The following SCN4B variants were observed in gnomAD, a reference collection of about 807,000 sequenced individuals.
SCN4B encodes the protein sodium voltage-gated channel beta subunit 4.
SCN4B carries 20 observed loss-of-function variants against 19.6 expected under a neutral mutation model. That is an observed-to-expected ratio of 1.02 (90% CI 0.72 to 1.48). The LOEUF is 1.48. Among genes scored for constraint, SCN4B ranks in the 40% most tolerant of loss-of-function variants. The pLI, the probability that SCN4B is intolerant of heterozygous loss-of-function variation, is 0.00. For synonymous variants in SCN4B, 127 were observed against 122.8 expected, an observed-to-expected ratio of 1.03 and a Z score of -0.22; for missense variants, 271 against 287.5, an observed-to-expected ratio of 0.94 and a Z score of 0.42.
At position 118,136,037 on chromosome 11, in the gene SCN4B, T is replaced by TA. The variant is rs1947993174; in HGVS notation, c.*989_*990insT. ...GGGCAGGGCGTGATGGAGGGCACGG[T>TA]GGGGGGGGGGGAGCGAGCCAATGGG... On this transcript the variant is annotated 3_prime_UTR_variant, in exon 5 of 5. Transcript: ENST00000324727. 7 of 363,566 alleles carry TA rather than the reference T, an allele frequency of 1.9e-5. No homozygotes were observed. The highest frequency in any genetic ancestry group is 1.3e-4 in the South Asian group (7 of 54,400). The allele number at this position is 363,566 out of a possible 1,614,324, so 22.5% of individuals were successfully genotyped here. A position where few individuals can be genotyped will look rare whatever the true frequency, so the allele number is the denominator to read the frequency against.
intron 3 of SCN4B, 163 bp from the exon 4 acceptor site, chr11:118,141,499 G>A: frequency 1.3e-6 from 1 of 765,666 alleles, no homozygotes; most frequent in Non-Finnish European, 2.2e-6. Flanking sequence ...GCAGCAGGAA[G>A]CTGGAGAGGC....
At chr11:118,138,855 C>A (rs927461510) in intron 4 of SCN4B, among the ~76,000 whole-genome samples, 1 of 152,146 alleles carries the variant, frequency 6.6e-6, no homozygotes, top group East Asian at 1.9e-4. Context: ...GGAAACAGCA[C>A]CCACGTTTCA....
chr11:118,139,421 T>A (rs1324316477), intron 4 of SCN4B, among the ~76,000 whole-genome samples: 1 of 152,240 alleles, frequency 6.6e-6, no homozygotes, highest in Non-Finnish European at 1.5e-5. Context: ...ATCAAACCTC[T>A]TTGCTGGCAC....
At chr11:118,146,411 C>T (rs1018079434) in intron 1 of SCN4B, among the ~76,000 whole-genome samples, 18 of 152,154 alleles carry the variant, frequency 1.2e-4, no homozygotes, top group Admixed American at 5.2e-4. Context: ...GAAGTGGATG[C>T]CTGCCTCACC....
Position 118,136,556 on chromosome 11 carries a change from T to A in SCN4B, c.*471A>T, listed in dbSNP as rs539487703. On this transcript the variant is annotated 3_prime_UTR_variant, in exon 5 of 5. Coordinates refer to ENST00000324727, the MANE Select transcript of SCN4B (RefSeq NM_174934.4). ...TGCCCCCATCAGCCCCCACCCCAGG[T>A]CTTCTCCAGAGGCCTCCAGCCCACT... is the stretch of plus-strand genomic sequence containing the variant. The A allele has an allele frequency of 6.3e-4, 284 of 454,004 alleles. 3 individuals are homozygous for A. Among genetic ancestry groups the A allele is most frequent in the South Asian group, 4.0e-3 (259 of 64,446 alleles). The allele number at this position is 454,004 out of a possible 1,614,324, so 28.1% of individuals were successfully genotyped here. A position where few individuals can be genotyped will look rare whatever the true frequency, so the allele number is the denominator to read the frequency against.
Position 118,134,237 on chromosome 11 carries a change from T to C in SCN4B, c.*2790A>G, listed in dbSNP as rs961809817. On this transcript the variant is annotated 3_prime_UTR_variant, in exon 5 of 5. Transcript: ENST00000324727. ...GGAATGCTGATTTCATATTTTGTAG[T>C]TGATGAGGAGCTCAGAACTTTGTCT... is the stretch of plus-strand genomic sequence containing the variant. The C allele has an allele frequency of 4.4e-6, 2 of 454,172 alleles. No individual in the cohort carries two copies. Among genetic ancestry groups the C allele is most frequent in the Admixed American group, 4.7e-5 (2 of 42,584 alleles). The allele number at this position is 454,172 out of a possible 1,614,324, so 28.1% of individuals were successfully genotyped here. A position where few individuals can be genotyped will look rare whatever the true frequency, so the allele number is the denominator to read the frequency against.
chr11:118,143,685 C>T (rs1948129287), intron 3 of SCN4B, 148 bp downstream of exon 3: 3 of 669,914 alleles, frequency 4.5e-6, no homozygotes, highest in Non-Finnish European at 8.2e-6. Flanking sequence ...GCTCTTCTAG[C>T]TTTTAGATGT....
In SCN4B at chr11:118,143,899, C is replaced by T. The variant is rs772935082; in HGVS notation, c.397G>A (p.Val133Met). 3.1e-6 allele frequency: 5 copies of T among 1,613,794 alleles called. No individual in the cohort carries two copies. The highest frequency in any genetic ancestry group is 1.7e-5 in the Admixed American group (1 of 60,008). The change falls in exon 3 of 5, where the codon GTG (valine) becomes ATG (methionine). Residue 133 changes from valine (V) to methionine (M), a missense_variant. By Grantham distance (21) the Val-to-Met change is conservative (BLOSUM62 1). Transcript: ENST00000324727. ...FSDTGKYTCH[V>M]KNPKENNLQH... ...AGATTATTCTCCTTGGGGTTCTTCA[C>T]ATGGCAGGTGTATTTGCCCGTGTCG...
At chr11:118,147,238 C>G (rs1490691941) in intron 1 of SCN4B, among the ~76,000 whole-genome samples, 2 of 152,210 alleles carry the variant, frequency 1.3e-5, no homozygotes, top group African/African-American at 2.4e-5. Context: ...TATGATGAAA[C>G]TGAGGCTCAG....
chr11:118,152,526 C>A, intron 1 of SCN4B, 87 bp downstream of exon 1: 2 of 1,175,322 alleles, frequency 1.7e-6, no homozygotes, highest in Non-Finnish European at 2.5e-6. Flanking sequence ...CAAAGCCCAC[C>A]CCATCCAAGG....
rs576619147 is a variant in SCN4B at position 118,148,461 on chromosome 11, G to A, written c.62-3232C>T. Among the ~76,000 whole-genome samples, 3 of 152,336 alleles carry A rather than the reference G, an allele frequency of 2.0e-5. No individual in the cohort carries two copies. The highest frequency in any genetic ancestry group is 6.5e-5 in the Admixed American group (1 of 15,294). ...GTCCAGAGAGGACTGGTGAGCATGC[G>A]CAAGGCAGGCCCCACTCTGCCAGCT... On this transcript the variant is annotated intron_variant, in intron 1 of 4. Transcript: ENST00000324727. This position sits in a 1 kb window ranked among gnomAD's most constrained non-coding sequence, Gnocchi z 4.0.
rs556946819 is a variant in SCN4B at position 118,141,586 on chromosome 11, C to A, written c.464-250G>T. Reference sequence around the variant, plus strand: ...CCCTGCACATGCCCTCCCACAGATGCACTCACACGAGTTCTGGAATAAATC... The same window carrying A: ...CCCTGCACATGCCCTCCCACAGATGAACTCACACGAGTTCTGGAATAAATC... On this transcript the variant is annotated intron_variant, in intron 3 of 4. Coordinates refer to ENST00000324727, the MANE Select transcript of SCN4B (RefSeq NM_174934.4). The A allele has an allele frequency of 3.2e-5, 18 of 571,184 alleles. No homozygotes were observed. In the African/African-American group the frequency reaches 3.4e-4, roughly 11 times the overall value. The allele number at this position is 571,184 out of a possible 1,614,324, so 35.4% of individuals were successfully genotyped here. A position where few individuals can be genotyped will look rare whatever the true frequency, so the allele number is the denominator to read the frequency against.
At position 118,141,111 on chromosome 11, in the gene SCN4B, G is replaced by A. The variant is rs543314358; in HGVS notation, c.593+96C>T. On this transcript the variant is annotated intron_variant, in intron 4 of 4. Coordinates refer to ENST00000324727, the MANE Select transcript of SCN4B (RefSeq NM_174934.4). ...AGAGCGGTAGGAATGGGAATGGGGG[G>A]AAGGAGGAGGCAGGTGGAAGGCTGA... 2.7e-4 allele frequency: 378 copies of A among 1,388,454 alleles called. 1 individual carries two copies. The South Asian group carries it at 2.9e-3, about 11-fold the overall frequency. 86.0% of individuals were successfully genotyped at this position (1,388,454 alleles called of 1,614,324 possible). A position where few individuals can be genotyped will look rare whatever the true frequency, so the allele number is the denominator to read the frequency against.
intron 1 of SCN4B, among the ~76,000 whole-genome samples, chr11:118,149,174 T>C (rs921620152): frequency 1.3e-5 from 2 of 152,180 alleles, no homozygotes; most frequent in Non-Finnish European, 2.9e-5. Flanking sequence ...CCAGCAGGAA[T>C]CTTATGGCAG....
rs191727294 is a variant in SCN4B, at chr11:118,149,708, G to A, written c.61+2905C>T. 7.6e-4 allele frequency among the ~76,000 whole-genome samples: 116 copies of A among 152,294 alleles called. 1 individual carries two copies. The highest frequency in any genetic ancestry group is 3.4e-3 in the Middle Eastern group (1 of 294). On this transcript the variant is annotated intron_variant, in intron 1 of 4. Transcript: ENST00000324727. ...CCCTCCTCTTACAGGCCAGAGAGCA[G>A]GTTGTGTTGGCACGGCCCACCCCTG... is the stretch of plus-strand genomic sequence containing the variant.
Position 118,148,888 on chromosome 11 carries a change from G to T in SCN4B, c.62-3659C>A, listed in dbSNP as rs898475857. ...TTCTAGAATGTTAAAGTGTACGTGT[G>T]TGTGTGTGTGAGAGTGGGGGGCCTC... On this transcript the variant is annotated intron_variant, in intron 1 of 4. Transcript: ENST00000324727. This position sits in a 1 kb window ranked among gnomAD's most constrained non-coding sequence, Gnocchi z 4.0. Among the ~76,000 whole-genome samples the T allele has an allele frequency of 1.3e-5, 2 of 152,128 alleles. No individual in the cohort carries two copies. The highest frequency in any genetic ancestry group is 1.5e-5 in the Non-Finnish European group (1 of 68,036).
chr11:118,145,482 G>T (rs1293044191), intron 1 of SCN4B: 29 of 1,409,390 alleles, frequency 2.1e-5, no homozygotes, highest in Middle Eastern at 5.2e-4. Flanking sequence ...ATGACCACCA[G>T]GGGTCACCCC....
rs999673828 is a variant in SCN4B, at chr11:118,133,924, G to A, written c.*3103C>T. 2 of 454,366 alleles carry A rather than the reference G, an allele frequency of 4.4e-6. No homozygotes were observed. Among genetic ancestry groups the A allele is most frequent in the Non-Finnish European group, 8.8e-6 (2 of 226,788 alleles). 28.1% of individuals were successfully genotyped at this position (454,366 alleles called of 1,614,324 possible). On this transcript the variant is annotated 3_prime_UTR_variant, in exon 5 of 5. Coordinates refer to ENST00000324727, the MANE Select transcript of SCN4B (RefSeq NM_174934.4). ...GGCCAAGAAAGACGGCTCCTCAAAT[G>A]TCCAGCATCTGCCCATCATGCATCA...
At chr11:118,138,248 GA>G (rs1948048909) in intron 4 of SCN4B, among the ~76,000 whole-genome samples, 1 of 152,196 alleles carries the variant, frequency 6.6e-6, no homozygotes, top group Non-Finnish European at 1.5e-5. Context: ...AGCTGGGTTT[GA>G]GGCCTTTGGG....
Sources: allele counts gnomAD v4.1 joint callset (sites outside exome capture counted in the v4.1 genomes callset), GRCh38; gene constraint gnomAD v4.1.1; non-coding constraint Gnocchi (gnomAD v3.1); transcripts MANE v1.5; gene names NCBI Gene and HGNC (gene_info 2026-07-23, HGNC 2026-07-21).